GGA2: variants seen among roughly 807,000 people sequenced by gnomAD.
GGA2 encodes ADP-ribosylation factor-binding protein GGA2.
A neutral mutation model predicts 79.5 loss-of-function variants in GGA2; 48 were observed. The ratio of observed to expected loss-of-function variants is 0.60; its 90% CI spans 0.48 to 0.77. GGA2 has a LOEUF of 0.77. Ranked by LOEUF, GGA2 falls within the 30% of genes least tolerant of loss-of-function variation. GGA2 has a pLI of 0.00. For missense variants in GGA2, 770 were observed against 774.0 expected (o/e 0.99, Z 0.06); for synonymous variants, 317 against 302.0 (o/e 1.05, Z -0.51).
At chr16:23,489,114 CT>C (rs546089306) in intron 5 of GGA2, among the ~76,000 whole-genome samples, 8 of 152,194 alleles carry the variant, frequency 5.3e-5, no homozygotes, top group Non-Finnish European at 1.0e-4. Flanking sequence ...TGAGTTCCTT[CT>C]TTTAAGAGCC....
upstream of GGA2, among the ~76,000 whole-genome samples, chr16:23,513,783 C>CAAAA (rs754377361): frequency 2.1e-5 from 1 of 47,098 alleles, no homozygotes; most frequent in Non-Finnish European, 5.3e-5. Flanking sequence ...GACTCTGTCT[C>CAAAA]AAAAAAAAAA....
intron 1 of GGA2, among the ~76,000 whole-genome samples, chr16:23,507,371 T>A (rs943898570): frequency 3.3e-5 from 5 of 152,188 alleles, no homozygotes; most frequent in African/African-American, 9.7e-5. Flanking sequence ...CTCATGCCTA[T>A]AATCCCAGCA....
intron 13 of GGA2, among the ~76,000 whole-genome samples, chr16:23,476,635 C>T (rs1964579528): frequency 6.6e-6 from 1 of 152,020 alleles, no homozygotes; most frequent in Non-Finnish European, 1.5e-5. Context: ...TGCTGGAGTG[C>T]GGTTTATAAA....
chr16:23,479,656 C>A, intron 11 of GGA2, 109 bp downstream of exon 11: 1 of 1,296,098 alleles, frequency 7.7e-7, no homozygotes, highest in South Asian at 1.4e-5. Flanking sequence ...TTCCTATTCA[C>A]AACCATCTCG....
chr16:23,484,203 T>C (rs1380015348), intron 8 of GGA2, among the ~76,000 whole-genome samples: 2 of 148,076 alleles, frequency 1.4e-5, no homozygotes, highest in African/African-American at 5.0e-5. Context: ...AGGTCAGGAG[T>C]TCGAGACCAG....
intron 1 of GGA2, among the ~76,000 whole-genome samples, chr16:23,520,109 G>A (rs947101184): frequency 6.6e-6 from 1 of 151,864 alleles, no homozygotes; most frequent in Non-Finnish European, 1.5e-5. Flanking sequence ...AGCTGGCTAT[G>A]GCGGCACATG....
intron 6 of GGA2, 84 bp downstream of exon 6, chr16:23,488,522 A>G: frequency 3.6e-6 from 3 of 838,860 alleles, no homozygotes; most frequent in Non-Finnish European, 6.2e-6. Flanking sequence ...GCCCCCCTCC[A>G]TACTCCGATT....
intron 11 of GGA2, 43 bp from the exon 12 acceptor site, chr16:23,478,954 C>A (rs563949369): frequency 1.4e-6 from 2 of 1,387,712 alleles, no homozygotes; most frequent in Admixed American, 3.3e-5. Flanking sequence ...AGTAACTCCA[C>A]CTGCTTCCAG....
At chr16:23,489,407 T>A (rs903097430) in intron 5 of GGA2, among the ~76,000 whole-genome samples, 1 of 152,140 alleles carries the variant, frequency 6.6e-6, no homozygotes, top group African/African-American at 2.4e-5. Context: ...GGTAATTTTT[T>A]TAAAAAATTT....
intron 6 of GGA2, 93 bp from the exon 7 acceptor site, chr16:23,486,883 A>G: frequency 1.3e-6 from 1 of 794,622 alleles, no homozygotes; most frequent in Non-Finnish European, 2.3e-6. Context: ...CACTAACAAC[A>G]GTGCACACAT....
Position 23,467,633 on chromosome 16 carries a change from TCTC to T in GGA2, c.1796_1798del (p.Gly599del), listed in dbSNP as rs749721440. ...AGCCAGGTCTGGGAAGTCTTTCACTTCTCCTACTTCGCTGAAAGGCTGTCCACC... is the reference window on the plus strand; with the variant it reads ...AGCCAGGTCTGGGAAGTCTTTCACTTCTACTTCGCTGAAAGGCTGTCCACC... On this transcript the variant is annotated inframe_deletion, in exon 17 of 17. Coordinates refer to ENST00000309859, the MANE Select transcript of GGA2 (RefSeq NM_015044.4). The T allele has an allele frequency of 5.6e-6, 9 of 1,608,960 alleles. No homozygotes were observed. The highest frequency in any genetic ancestry group is 3.3e-5 in the Admixed American group (2 of 59,948).
intron 8 of GGA2, among the ~76,000 whole-genome samples, chr16:23,483,615 AGACAGGCTGT>A (rs564440885): frequency 1.8e-3 from 269 of 152,284 alleles, no homozygotes; most frequent in African/African-American, 6.3e-3. Flanking sequence ...AACCTGGCAC[AGACAGGCTGT>A]GGTTTCTTTT....
intron 14 of GGA2, among the ~76,000 whole-genome samples, chr16:23,471,236 T>C (rs1281760568): frequency 2.0e-5 from 3 of 152,090 alleles, no homozygotes; most frequent in Non-Finnish European, 2.9e-5. Context: ...ACACACACAA[T>C]ATACCACCTT....
chr16:23,491,913 T>G, intron 4 of GGA2, 113 bp from the exon 5 acceptor site: 17 of 682,086 alleles, frequency 2.5e-5, no homozygotes, highest in Non-Finnish European at 3.8e-5. Context: ...AGGCGCGGTA[T>G]GAGTGTGAGG....
At chr16:23,486,828 A>G in intron 6 of GGA2, 38 bp from the exon 7 acceptor site, 1 of 1,181,298 alleles carries the variant, frequency 8.5e-7, no homozygotes, top group Non-Finnish European at 1.3e-6. Context: ...TGAGACCACA[A>G]CTCCCTCAGG....
Position 23,479,889 on chromosome 16 carries a change from T to C in GGA2, c.1007-2A>G, listed in dbSNP as rs1406812345. 2 of 1,613,938 alleles carry C rather than the reference T, an allele frequency of 1.2e-6. No individual in the cohort carries two copies. Among genetic ancestry groups the C allele is most frequent in the Non-Finnish European group, 1.7e-6 (2 of 1,179,890 alleles). On this transcript the variant is annotated splice_acceptor_variant, in intron 10 of 16. Coordinates refer to ENST00000309859, the MANE Select transcript of GGA2 (RefSeq NM_015044.4). LOFTEE classifies it high-confidence loss of function. ...TGCAGCCTGCTGGATTCTGAAAGAC[T>C]AGAAAGCCCAGGGTTAGGAAGAGAA...
Position 23,501,429 on chromosome 16 carries a change from T to C in GGA2, c.92-5651A>G, listed in dbSNP as rs565919369. On this transcript the variant is annotated intron_variant, in intron 1 of 16. Coordinates refer to ENST00000309859, the MANE Select transcript of GGA2 (RefSeq NM_015044.4). ...ATGGAGAAGTGTTTTTTGGAGCTAC[T>C]TGAGTTTAATATTCATGTGTCTGCC... 1.4e-3 allele frequency: 604 copies of C among 437,366 alleles called. 6 individuals carry two copies. The highest frequency in any genetic ancestry group is 2.3e-3 in the Non-Finnish European group (508 of 217,750). The allele number at this position is 437,366 out of a possible 1,614,324, so 27.1% of individuals were successfully genotyped here. A position where few individuals can be genotyped will look rare whatever the true frequency, so the allele number is the denominator to read the frequency against.
chr16:23,501,500 G>A, intron 1 of GGA2: 1 of 388,566 alleles, frequency 2.6e-6, no homozygotes, highest in Non-Finnish European at 5.2e-6. Flanking sequence ...CTTGGCAAAT[G>A]ACCGTGACCT....
chr16:23,494,530 C>CT, intron 2 of GGA2, 152 bp from the exon 3 acceptor site: 1 of 648,786 alleles, frequency 1.5e-6, no homozygotes. Flanking sequence ...CGCGGGGGCC[C>CT]TGGAGAGGGC....
Sources: gnomAD v4.1 joint callset for allele counts (sites outside exome capture counted in the v4.1 genomes callset) on GRCh38, gnomAD v4.1.1 for gene constraint, MANE v1.5 for transcripts, NCBI Gene and HGNC (gene_info 2026-07-23, HGNC 2026-07-21) for gene names.